Variants in MCOLN2 observed in about 807,000 individuals in gnomAD.
MCOLN2 encodes mucolipin-2.
Under a neutral mutation model 67.5 loss-of-function variants are expected in MCOLN2, and 57 were observed. The observed-to-expected ratio is 0.84, with a 90% confidence interval of 0.68 to 1.05. The LOEUF is 1.05. Ranked by LOEUF, MCOLN2 falls within the 50% of genes least tolerant of loss-of-function variation. The pLI is 0.00. For missense variants in MCOLN2, 620 were observed against 678.8 expected, an observed-to-expected ratio of 0.91 and a Z score of 0.96; for synonymous variants, 246 against 233.3, an observed-to-expected ratio of 1.05 and a Z score of -0.50.
At chr1:84,963,588 T>C (rs183406783) in intron 2 of MCOLN2, among the ~76,000 whole-genome samples, 119 of 152,312 alleles carry the variant, frequency 7.8e-4, no homozygotes, top group Non-Finnish European at 1.4e-3. Context: ...GACAGGTGAC[T>C]AGATCATGGG....
At chr1:84,990,297 CAAAAAAAAAAAAAAAAA>C (rs34226507) in intron 1 of MCOLN2, among the ~76,000 whole-genome samples, 2 of 34,958 alleles carry the variant, frequency 5.7e-5, no homozygotes, top group Admixed American at 5.1e-4. Context: ...GACTCCATCT[CAAAAAAAAAAAAAAAAA>C]AAAAAAAAAA....
chr1:84,936,891 A>G (rs1647463635), intron 11 of MCOLN2, among the ~76,000 whole-genome samples: 1 of 152,236 alleles, frequency 6.6e-6, no homozygotes, highest in Non-Finnish European at 1.5e-5. Flanking sequence ...TTCTCCTTGC[A>G]GAGCACCTAA....
At chr1:84,953,156 G>C (rs1291158178) in intron 4 of MCOLN2, among the ~76,000 whole-genome samples, 1 of 152,088 alleles carries the variant, frequency 6.6e-6, no homozygotes, top group African/African-American at 2.4e-5. Context: ...TTCTTGTTTT[G>C]GGGAAATGCA....
At chr1:84,953,761 T>C (rs1249326502) in intron 4 of MCOLN2, among the ~76,000 whole-genome samples, 1 of 152,102 alleles carries the variant, frequency 6.6e-6, no homozygotes, top group Non-Finnish European at 1.5e-5. Context: ...ACATAAAAAT[T>C]AGTCTCATTA....
intron 4 of MCOLN2, 32 bp downstream of exon 4, chr1:84,956,399 A>G (rs767755695): frequency 6.3e-7 from 1 of 1,596,424 alleles, no homozygotes; most frequent in Non-Finnish European, 8.5e-7. Flanking sequence ...AGAAGACGAT[A>G]AAGGTACATC....
rs560833173 is a variant in MCOLN2, at chr1:84,949,044, C to T, written c.748-1912G>A. Reference sequence around the variant, plus strand: ...ACTGGGGAGGCTGAGGCATGAGAATCACTTGAATCTAGGAGGCGGAGGCTG... The same window carrying T: ...ACTGGGGAGGCTGAGGCATGAGAATTACTTGAATCTAGGAGGCGGAGGCTG... On this transcript the variant is annotated intron_variant, in intron 6 of 13. Coordinates refer to ENST00000370608, the MANE Select transcript of MCOLN2 (RefSeq NM_153259.4). Among the ~76,000 whole-genome samples, 18 of 152,106 alleles carry T rather than the reference C, an allele frequency of 1.2e-4. No individual in the cohort carries two copies. The South Asian group carries it at 3.7e-3, about 32-fold the overall frequency.
chr1:84,966,512 C>T (rs898619064), intron 1 of MCOLN2, among the ~76,000 whole-genome samples: 2 of 152,082 alleles, frequency 1.3e-5, no homozygotes, highest in Admixed American at 1.3e-4. Flanking sequence ...TTAGTATAAA[C>T]AAACGGAATT....
chr1:84,967,650 G>A (rs1309691222), intron 1 of MCOLN2, among the ~76,000 whole-genome samples: 1 of 151,520 alleles, frequency 6.6e-6, no homozygotes, highest in Non-Finnish European at 1.5e-5. Context: ...GAACTATCAT[G>A]CTGGAAAGGA....
intron 1 of MCOLN2, among the ~76,000 whole-genome samples, chr1:84,965,941 C>T (rs1649357476): frequency 1.3e-5 from 2 of 152,130 alleles, no homozygotes; most frequent in South Asian, 4.1e-4. Context: ...TTCCACACAG[C>T]CACCCATCTT....
rs1415831285 is a variant in MCOLN2 at position 84,926,483 on chromosome 1, A to G, written c.*202T>C. ...TTGCACTAATGCCCAGTAGTAGCCC[A>G]TGGTCTATTCTTTATCATTCAAGTT... On this transcript the variant is annotated 3_prime_UTR_variant, in exon 14 of 14. Coordinates refer to ENST00000370608, the MANE Select transcript of MCOLN2 (RefSeq NM_153259.4). 1 of 418,022 alleles carries G rather than the reference A, an allele frequency of 2.4e-6. No homozygotes were observed. The highest frequency in any genetic ancestry group is 2.0e-5 in the African/African-American group (1 of 49,300). The allele number at this position is 418,022 out of a possible 1,614,324, so 25.9% of individuals were successfully genotyped here. A position where few individuals can be genotyped will look rare whatever the true frequency, so the allele number is the denominator to read the frequency against.
chr1:84,991,594 C>T (rs944773607), intron 1 of MCOLN2, among the ~76,000 whole-genome samples: 1 of 152,118 alleles, frequency 6.6e-6, no homozygotes, highest in Non-Finnish European at 1.5e-5. Flanking sequence ...CCCTAAGAAG[C>T]CCCCTGAAGA....
intron 8 of MCOLN2, among the ~76,000 whole-genome samples, chr1:84,939,939 G>A (rs768340772): frequency 6.6e-6 from 1 of 152,162 alleles, no homozygotes; most frequent in Non-Finnish European, 1.5e-5. Flanking sequence ...ACTCCAGCAG[G>A]TTCTTGTCAT....
chr1:84,936,905 A>G (rs939486883), intron 11 of MCOLN2, among the ~76,000 whole-genome samples: 6 of 152,330 alleles, frequency 3.9e-5, no homozygotes, highest in African/African-American at 1.4e-4. Flanking sequence ...CACCTAAGTG[A>G]GGCTAACAGT....
At chr1:84,996,445 G>T (rs1446720407) in intron 1 of MCOLN2, among the ~76,000 whole-genome samples, 4 of 130,848 alleles carry the variant, frequency 3.1e-5, no homozygotes, top group African/African-American at 9.1e-5. Context: ...TGGAGAGCAG[G>T]AAACGGGGGA....
intron 11 of MCOLN2, among the ~76,000 whole-genome samples, chr1:84,935,707 C>A (rs1247055658): frequency 2.0e-5 from 3 of 152,090 alleles, no homozygotes; most frequent in African/African-American, 7.2e-5. Context: ...ACAGTATAGG[C>A]AAGGCTCTCA....
At chr1:84,987,085 T>C (rs1027981736) in intron 1 of MCOLN2, among the ~76,000 whole-genome samples, 2 of 151,958 alleles carry the variant, frequency 1.3e-5, no homozygotes, top group Non-Finnish European at 2.9e-5. Context: ...CGCATGTTTA[T>C]AGCAGCACAA....
At chr1:84,967,213 T>G (rs1649423166) in intron 1 of MCOLN2, among the ~76,000 whole-genome samples, 1 of 152,232 alleles carries the variant, frequency 6.6e-6, no homozygotes, top group African/African-American at 2.4e-5. Flanking sequence ...CTATGCCTAA[T>G]GACAATATTT....
chr1:84,994,003 T>C (rs1651023831), intron 1 of MCOLN2, among the ~76,000 whole-genome samples: 1 of 152,248 alleles, frequency 6.6e-6, no homozygotes, highest in South Asian at 2.1e-4. Context: ...TTAACATATA[T>C]GAAAACAACA....
At chr1:84,957,082 A>C (rs537426250) in intron 3 of MCOLN2, among the ~76,000 whole-genome samples, 12 of 152,270 alleles carry the variant, frequency 7.9e-5, no homozygotes, top group African/African-American at 2.6e-4. Context: ...ATCACATTGT[A>C]CCCCATAACT....
Sources: gnomAD v4.1 joint callset for allele counts (sites outside exome capture counted in the v4.1 genomes callset) on GRCh38, gnomAD v4.1.1 for gene constraint, MANE v1.5 for transcripts, NCBI Gene and HGNC (gene_info 2026-07-23, HGNC 2026-07-21) for gene names.